The following FASN variants were observed in gnomAD, a reference collection of about 807,000 sequenced individuals.
The protein encoded by FASN is 3-hydroxyacyl-[acyl-carrier-protein] dehydratase.
A neutral mutation model predicts 250.0 loss-of-function variants in FASN; 50 were observed. The observed-to-expected ratio is 0.20, with a 90% CI of 0.16 to 0.25. The LOEUF is 0.25. Ranked by LOEUF, FASN falls within the 10% of genes least tolerant of loss-of-function variation. The pLI, the probability that FASN is intolerant of heterozygous loss-of-function variation, is 1.00. For synonymous variants in FASN, 1,909 were observed against 1,584.0 expected (o/e 1.21, Z -4.87); for missense variants, 3,031 against 3,498.5 (o/e 0.87, Z 3.37).
At chr17:82,092,342 T>G in intron 8 of FASN, 113 bp downstream of exon 8, 1 of 1,149,574 alleles carries the variant, frequency 8.7e-7, no homozygotes, top group South Asian at 1.3e-5. Flanking sequence ...AGGCTCCTGG[T>G]GGGGAAGCCC....
chr17:82,085,466 T>C lies in FASN; in HGVS notation c.4122+16A>G, dbSNP rs1414558605. ...TCACCCGGCCCCCACCCTGTCCCCC[T>C]GCCCGGCGGCCGCACCTGGCTCAGG... On this transcript the variant is annotated intron_variant, in intron 23 of 42. Coordinates refer to ENST00000306749, the MANE Select transcript of FASN (RefSeq NM_004104.5). 1 of 1,590,036 alleles carries C rather than the reference T, an allele frequency of 6.3e-7. No homozygotes were observed.
In FASN at chr17:82,089,252, T is replaced by C. The variant is rs1403440335; in HGVS notation, c.2098A>G (p.Lys700Glu). 1.2e-6 allele frequency: 2 copies of C among 1,612,374 alleles called. No individual in the cohort carries two copies. Among genetic ancestry groups the C allele is most frequent in the Non-Finnish European group, 1.7e-6 (2 of 1,179,854 alleles). Residue 700 changes from lysine to glutamate, a missense_variant and splice_region_variant, in exon 13 of 43, where the codon AAG becomes GAG. Physicochemically the swap from Lys to Glu is moderately conservative, Grantham distance 56. Coordinates refer to ENST00000306749, the MANE Select transcript of FASN (RefSeq NM_004104.5). ...CCCCCCAGGCCGTATTAGTCCACCTTCTTGAGCTCCTGCAGCAGTGGGGGT... is the reference window on the plus strand; with the variant it reads ...CCCCCCAGGCCGTATTAGTCCACCTCCTTGAGCTCCTGCAGCAGTGGGGGT... ...IAPPLLQELK[K>E]VIREPKPRSA...
chr17:82,080,451 C>T lies in FASN; in HGVS notation c.6966G>A (p.Gln2322=). 1.3e-6 allele frequency: 2 copies of T among 1,593,286 alleles called. No individual in the cohort carries two copies. The highest frequency in any genetic ancestry group is 2.3e-5 in the East Asian group (1 of 43,984). The change falls in exon 40 of 43, where the codon CAG becomes CAA. Residue 2322 remains glutamine (Q), a synonymous_variant. Coordinates refer to ENST00000306749, the MANE Select transcript of FASN (RefSeq NM_004104.5). The part of the protein sequence containing the change: ...CVAFEMCSQL[Q]AQQSPAPTHN... ...GGGTGGGGGCTGGGCTCTGCTGGGC[C>T]TGCAGCTGGGAGCACATTTCAAAGG...
At chr17:82,085,977 G>A (rs1008731655) in intron 22 of FASN, 106 bp from the exon 23 acceptor site, 22 of 1,359,384 alleles carry the variant, frequency 1.6e-5, no homozygotes, top group South Asian at 1.0e-4. Context: ...AGGCTTCCCC[G>A]TCAACCTGAT....
Position 82,090,926 on chromosome 17 carries a change from A to C in FASN, c.1636T>G (p.Phe546Val), listed in dbSNP as rs745441109. Residue 546 changes from phenylalanine (F) to valine (V), a missense_variant, in exon 10 of 43, where the codon TTT (phenylalanine) becomes GTT (valine). Phe to Val is a conservative substitution (Grantham distance 50). Coordinates refer to ENST00000306749, the MANE Select transcript of FASN (RefSeq NM_004104.5). ...ACAAACGAATGGACGATGTCATCAA[A>C]GGTGCTCTCGTCTGTGCTCAGCAGC... is the stretch of plus-strand genomic sequence containing the variant. ...QLLLSTDEST[F>V]DDIVHSFVSL... 6.2e-7 allele frequency: 1 copy of C among 1,611,142 alleles called. No homozygotes were observed. Among genetic ancestry groups the C allele is most frequent in the South Asian group, 1.1e-5 (1 of 90,720 alleles).
chr17:82,089,790 C>A, intron 11 of FASN, 64 bp from the exon 12 acceptor site: 2 of 1,359,640 alleles, frequency 1.5e-6, no homozygotes, highest in Non-Finnish European at 2.1e-6. Flanking sequence ...CACCCACCCA[C>A]CCAGACACTG....
intron 1 of FASN, among the ~76,000 whole-genome samples, 153 bp downstream of exon 1, chr17:82,097,968 G>C (rs1055366912): frequency 6.6e-6 from 1 of 151,940 alleles, no homozygotes; most frequent in African/African-American, 2.4e-5. Flanking sequence ...CACGAACACC[G>C]AGACCCGGAC....
At chr17:82,096,650 G>A (rs996615490) in intron 1 of FASN, 198 bp from the exon 2 acceptor site, 38 of 743,954 alleles carry the variant, frequency 5.1e-5, no homozygotes, top group African/African-American at 1.4e-4. Flanking sequence ...GAGGGGCTGC[G>A]TGCTCTGGGA....
Position 82,081,338 on chromosome 17 carries a change from C to G in FASN, c.6421G>C (p.Ala2141Pro). 1 of 1,558,592 alleles carries G rather than the reference C, an allele frequency of 6.4e-7. No individual in the cohort carries two copies. The highest frequency in any genetic ancestry group is 1.2e-5 in the South Asian group (1 of 85,184). The stretch of plus-strand genomic sequence containing the variant: ...AGTGAGCTGTCCAGGTTGACAGCAG[C>G]CAAGTCGCGGATGCCTGGAAGGGAT... ...VAHILGIRDLAAVNLDSSLAD... is the reference protein window; with the variant it reads ...VAHILGIRDLPAVNLDSSLAD... Residue 2141 changes from alanine to proline, a missense_variant, in exon 38 of 43, where the codon GCT (alanine) becomes CCT (proline). Physicochemically the swap from Ala to Pro is conservative, Grantham distance 27. Coordinates refer to ENST00000306749, the MANE Select transcript of FASN (RefSeq NM_004104.5).
chr17:82,082,170 C>A lies in FASN; in HGVS notation c.6012-10G>T, dbSNP rs45491595. ...CGCCTCTCGGGTCACCCTGTGGGCA[C>A]GCGTGTCACTCCCCATTGGCCAGCA... On this transcript the variant is annotated splice_polypyrimidine_tract_variant and intron_variant, in intron 35 of 42. Transcript: ENST00000306749. 1 of 1,601,700 alleles carries A rather than the reference C, an allele frequency of 6.2e-7. No individual in the cohort carries two copies. Among genetic ancestry groups the A allele is most frequent in the Non-Finnish European group, 8.5e-7 (1 of 1,179,914 alleles).
Position 82,085,851 on chromosome 17 carries a change from G to A in FASN, c.3753C>T (p.His1251=), listed in dbSNP as rs1411296111. Residue 1251 remains histidine, a synonymous_variant, in exon 23 of 43, where the codon CAC becomes CAT. Transcript: ENST00000306749. The part of the protein sequence containing the change: ...KVVEVLAGHG[H]LYSRIPGLLS... ...GCAGGCCTGGGATGCGGGAATACAGGTGACCGTGGCCAGCCAGCACCTGTA... is the reference window on the plus strand; with the variant it reads ...GCAGGCCTGGGATGCGGGAATACAGATGACCGTGGCCAGCCAGCACCTGTA... The A allele has an allele frequency of 6.4e-7, 1 of 1,551,062 alleles. No homozygotes were observed. The highest frequency in any genetic ancestry group is 1.9e-5 in the Admixed American group (1 of 53,992).
intron 13 of FASN, 36 bp downstream of exon 13, chr17:82,089,214 G>T (rs758849390): frequency 6.2e-7 from 1 of 1,608,552 alleles, no homozygotes; most frequent in Non-Finnish European, 8.5e-7. Flanking sequence ...TGGGTCCCCT[G>T]GCCCGCCCCG....
In FASN at chr17:82,088,233, C is replaced by T. The variant is rs2034140418; in HGVS notation, c.2668G>A (p.Gly890Ser). The change falls in exon 17 of 43, where the codon GGC becomes AGC. Residue 890 changes from glycine to serine, a missense_variant. Coordinates refer to ENST00000306749, the MANE Select transcript of FASN (RefSeq NM_004104.5). The stretch of plus-strand genomic sequence containing the variant: ...GTCTTCCACACTATGCTCAGGTAGC[C>T]AGTGGCGGGGAAGAGGACGCGACCG... ...LDGRVLFPAT[G>S]YLSIVWKTLA... 4 of 1,610,734 alleles carry T rather than the reference C, an allele frequency of 2.5e-6. No homozygotes were observed. The highest frequency in any genetic ancestry group is 3.4e-6 in the Non-Finnish European group (4 of 1,179,982).
intron 30 of FASN, 43 bp from the exon 31 acceptor site, chr17:82,083,682 C>A (rs747880516): frequency 1.2e-6 from 2 of 1,604,088 alleles, no homozygotes; most frequent in African/African-American, 2.7e-5. Flanking sequence ...CACTGCAAGC[C>A]CAGCCACCAC....
chr17:82,082,168 C>T lies in FASN; in HGVS notation c.6012-8G>A. 6.2e-7 allele frequency: 1 copy of T among 1,601,722 alleles called. No homozygotes were observed. Among genetic ancestry groups the T allele is most frequent in the Non-Finnish European group, 8.5e-7 (1 of 1,179,912 alleles). On this transcript the variant is annotated splice_region_variant and splice_polypyrimidine_tract_variant and intron_variant, in intron 35 of 42. Transcript: ENST00000306749. ...CACGCCTCTCGGGTCACCCTGTGGGCACGCGTGTCACTCCCCATTGGCCAG... is the reference window on the plus strand; with the variant it reads ...CACGCCTCTCGGGTCACCCTGTGGGTACGCGTGTCACTCCCCATTGGCCAG...
rs770247522 is a variant in FASN at position 82,091,444 on chromosome 17, G to T, written c.1270C>A (p.Leu424Met). ...TCAGGGGTGCGTCCGCTGGCCCGCA[G>T]CAGACGGGGCAGGGTGGCATGTGGG... ...PAPHATLPRL[L>M]RASGRTPEAV... The change falls in exon 9 of 43, where the codon CTG (leucine) becomes ATG (methionine). Residue 424 changes from leucine (L) to methionine (M), a missense_variant. Coordinates refer to ENST00000306749, the MANE Select transcript of FASN (RefSeq NM_004104.5). The T allele has an allele frequency of 6.2e-6, 10 of 1,607,074 alleles. No homozygotes were observed. The highest frequency in any genetic ancestry group is 8.5e-6 in the Non-Finnish European group (10 of 1,177,394).
Position 82,082,574 on chromosome 17 carries a change from C to T in FASN, c.5872G>A (p.Glu1958Lys), listed in dbSNP as rs145688025. 5.9e-3 allele frequency: 9,556 copies of T among 1,609,570 alleles called. 37 individuals are homozygous for T. The highest frequency in any genetic ancestry group is 7.1e-3 in the Non-Finnish European group (8,402 of 1,179,852). The change falls in exon 34 of 43, where the codon GAG becomes AAG. Residue 1958 changes from glutamate to lysine, a missense_variant. Transcript: ENST00000306749. ...SLEGARGLIAEAAQLGPVGGV... is the reference protein window; with the variant it reads ...SLEGARGLIAKAAQLGPVGGV... ...CCCACGGGCCCAAGCTGCGCCGCCT[C>T]GGCAATGAGGCCCCGGGCCCCCTCC...
Position 82,080,775 on chromosome 17 carries a change from T to C in FASN, c.6743A>G (p.His2248Arg), listed in dbSNP as rs1298978744. The C allele has an allele frequency of 6.2e-7, 1 of 1,604,496 alleles. No homozygotes were observed. The change falls in exon 39 of 43, where the codon CAC (histidine) becomes CGC (arginine). Residue 2248 changes from histidine (H) to arginine (R), a missense_variant. By Grantham distance (29) the His-to-Arg change is conservative (BLOSUM62 0). Coordinates refer to ENST00000306749, the MANE Select transcript of FASN (RefSeq NM_004104.5). ...CACGGTGGTGGAGCCCTCGATTGGG[T>C]GCACCAGGAACAGGGGCCGCTCCGA... ...QSSERPLFLV[H>R]PIEGSTTVFH...
Position 82,079,437 on chromosome 17 carries a change from G to C in FASN, c.7318C>G (p.His2440Asp), listed in dbSNP as rs1169201985. The C allele has an allele frequency of 6.2e-7, 1 of 1,613,036 alleles. No individual in the cohort carries two copies. The highest frequency in any genetic ancestry group is 8.5e-7 in the Non-Finnish European group (1 of 1,179,988). The stretch of plus-strand genomic sequence containing the variant: ...GCGCGCAGTAGCATCACGTTGCCAT[G>C]GTACTTGGCCTTGGGTGTGTACTGC... ...AEQYTPKAKYHGNVMLLRAKT... is the reference protein window; with the variant it reads ...AEQYTPKAKYDGNVMLLRAKT... Residue 2440 changes from histidine to aspartate, a missense_variant, in exon 42 of 43, where the codon CAT becomes GAT. His to Asp is a moderately conservative substitution (Grantham distance 81). Transcript: ENST00000306749.
Sources: gnomAD v4.1 joint callset for allele counts (sites outside exome capture counted in the v4.1 genomes callset) on GRCh38, gnomAD v4.1.1 for gene constraint, MANE v1.5 for transcripts, NCBI Gene and HGNC (gene_info 2026-07-23, HGNC 2026-07-21) for gene names.